The following PRTFDC1 variants were observed in gnomAD, a reference collection of about 807,000 sequenced individuals.
PRTFDC1 encodes the protein phosphoribosyltransferase domain-containing protein 1.
A neutral mutation model predicts 34.6 loss-of-function variants in PRTFDC1; 38 were observed. That is an observed-to-expected ratio of 1.10 (90% confidence interval 0.85 to 1.44). PRTFDC1 has a LOEUF of 1.44. Ranked by LOEUF, PRTFDC1 falls within the 40% of genes most tolerant of loss-of-function variation. The pLI is 0.00. For synonymous variants in PRTFDC1, 93 were observed against 98.1 expected (o/e 0.95, Z 0.31); for missense variants, 270 against 283.0 (o/e 0.95, Z 0.33).
rs1337901887 is a variant in PRTFDC1, at chr10:24,887,189, C to T, written c.340-15126G>A. On this transcript the variant is annotated intron_variant, in intron 3 of 8. Transcript: ENST00000320152. ...GTTTCACCTTGTTAGCCAGGATGGT[C>T]TCGATCTCCTGACCTCATGATCCAC... is the stretch of plus-strand genomic sequence containing the variant. Among the ~76,000 whole-genome samples, 9 of 151,586 alleles carry T rather than the reference C, an allele frequency of 5.9e-5. No individual in the cohort carries two copies. In the East Asian group the frequency reaches 1.8e-3, roughly 30 times the overall value.
rs938013170 is a variant in PRTFDC1 at position 24,855,212 on chromosome 10, A to G, written c.553+106T>C. 3.6e-6 allele frequency: 4 copies of G among 1,123,098 alleles called. No individual in the cohort carries two copies. In the African/African-American group the frequency reaches 6.3e-5, roughly 18 times the overall value. 69.6% of individuals were successfully genotyped at this position (1,123,098 alleles called of 1,614,324 possible). ...ATCAGCCCTACACAGTTTCAAATCC[A>G]CATGCAATGCTGTCAAATAGGAAAC... On this transcript the variant is annotated intron_variant, in intron 7 of 8. Coordinates refer to ENST00000320152, the MANE Select transcript of PRTFDC1 (RefSeq NM_020200.7).
At chr10:24,878,897 C>T (rs953055325) in intron 3 of PRTFDC1, among the ~76,000 whole-genome samples, 7 of 152,204 alleles carry the variant, frequency 4.6e-5, no homozygotes, top group African/African-American at 1.4e-4. Context: ...TCAATATTCT[C>T]CGCCCCCACA....
At chr10:24,927,167 T>C (rs1026733540) in intron 3 of PRTFDC1, among the ~76,000 whole-genome samples, 1 of 152,204 alleles carries the variant, frequency 6.6e-6, no homozygotes, top group African/African-American at 2.4e-5. Context: ...TAGGCCAAAC[T>C]AGATATTTGT....
intron 3 of PRTFDC1, among the ~76,000 whole-genome samples, chr10:24,894,104 G>A (rs745752686): frequency 6.6e-6 from 1 of 152,086 alleles, no homozygotes; most frequent in Non-Finnish European, 1.5e-5. Flanking sequence ...AGGCCGAGGT[G>A]GGGGACCACG....
At chr10:24,915,324 T>C (rs1311387041) in intron 3 of PRTFDC1, among the ~76,000 whole-genome samples, 3 of 152,222 alleles carry the variant, frequency 2.0e-5, no homozygotes, top group Non-Finnish European at 1.5e-5. Flanking sequence ...ATGGGTCCTC[T>C]AGCTTCCTTT....
chr10:24,904,407 C>T (rs1848499199), intron 3 of PRTFDC1, among the ~76,000 whole-genome samples: 1 of 152,104 alleles, frequency 6.6e-6, no homozygotes, highest in Non-Finnish European at 1.5e-5. Flanking sequence ...ATTGAGATGT[C>T]CCCCCTCAAA....
chr10:24,929,093 AG>A (rs368909493), intron 3 of PRTFDC1, among the ~76,000 whole-genome samples: 8 of 150,106 alleles, frequency 5.3e-5, no homozygotes, highest in African/African-American at 2.0e-4. Context: ...TTTCAATTCC[AG>A]GCACCCTTGC....
intron 3 of PRTFDC1, among the ~76,000 whole-genome samples, chr10:24,913,066 T>A (rs1439390514): frequency 6.6e-6 from 1 of 152,190 alleles, no homozygotes; most frequent in East Asian, 1.9e-4. Context: ...TTTCACCAAA[T>A]AAAATACAAT....
intron 3 of PRTFDC1, among the ~76,000 whole-genome samples, chr10:24,894,034 G>A (rs1848307556): frequency 6.6e-6 from 1 of 152,124 alleles, no homozygotes; most frequent in Non-Finnish European, 1.5e-5. Context: ...AAGGAAGTGT[G>A]AAAATAGGAC....
intron 3 of PRTFDC1, among the ~76,000 whole-genome samples, chr10:24,881,597 C>G (rs1848080184): frequency 6.6e-6 from 1 of 152,168 alleles, no homozygotes; most frequent in African/African-American, 2.4e-5. Flanking sequence ...GGGATCAGGT[C>G]AACTCCTTTC....
intron 3 of PRTFDC1, among the ~76,000 whole-genome samples, chr10:24,888,540 C>T (rs947881626): frequency 1.3e-5 from 2 of 152,266 alleles, no homozygotes; most frequent in Non-Finnish European, 1.5e-5. Flanking sequence ...GACCTGGCAC[C>T]GAGTGTCTTA....
chr10:24,943,247 T>C (rs898071700), intron 1 of PRTFDC1, among the ~76,000 whole-genome samples: 2 of 152,134 alleles, frequency 1.3e-5, no homozygotes, highest in African/African-American at 4.8e-5. Flanking sequence ...AACTTTTGAA[T>C]GTCTAGTCAC....
At position 24,866,377 on chromosome 10, in the gene PRTFDC1, A is replaced by AG. The variant is rs1301138580; in HGVS notation, c.405+5620_405+5621insC. Among the ~76,000 whole-genome samples the AG allele has an allele frequency of 4.7e-5, 7 of 149,950 alleles. No homozygotes were observed. In the East Asian group the frequency reaches 5.8e-4, roughly 12 times the overall value. ...TTCTGCCTCAAAAAAAAAAAAAAAA[A>AG]AAAGAAAAAAAAACTTATTTGAGGG... On this transcript the variant is annotated intron_variant, in intron 4 of 8. Coordinates refer to ENST00000320152, the MANE Select transcript of PRTFDC1 (RefSeq NM_020200.7).
intron 4 of PRTFDC1, among the ~76,000 whole-genome samples, chr10:24,871,713 A>G (rs1043074258): frequency 6.6e-6 from 1 of 151,854 alleles, no homozygotes; most frequent in Non-Finnish European, 1.5e-5. Flanking sequence ...GCCTGGAAAG[A>G]TGAGTAGAAA....
At chr10:24,881,857 T>G (rs912584221) in intron 3 of PRTFDC1, among the ~76,000 whole-genome samples, 14 of 152,098 alleles carry the variant, frequency 9.2e-5, no homozygotes, top group African/African-American at 3.1e-4. Context: ...TGGCTGGGCA[T>G]AGCTCATACC....
intron 3 of PRTFDC1, among the ~76,000 whole-genome samples, chr10:24,900,563 T>C (rs1848432505): frequency 6.6e-6 from 1 of 152,228 alleles, no homozygotes. Flanking sequence ...TGTGGAATAA[T>C]TTTGTGAAAG....
intron 3 of PRTFDC1, among the ~76,000 whole-genome samples, chr10:24,903,803 G>T (rs573966376): frequency 6.6e-6 from 1 of 151,286 alleles, no homozygotes; most frequent in South Asian, 2.1e-4. Context: ...CTCCCAAGTA[G>T]CTGGGACTAC....
At chr10:24,891,479 C>T (rs1156727906) in intron 3 of PRTFDC1, among the ~76,000 whole-genome samples, 1 of 152,004 alleles carries the variant, frequency 6.6e-6, no homozygotes, top group Non-Finnish European at 1.5e-5. Context: ...CAGATTTATC[C>T]TCTTTCCTTA....
At chr10:24,910,109 C>T (rs189114105) in intron 3 of PRTFDC1, among the ~76,000 whole-genome samples, 7 of 151,966 alleles carry the variant, frequency 4.6e-5, no homozygotes, top group East Asian at 3.9e-4. Context: ...TGCTGCGAGC[C>T]GAAATCGTGC....
Sources: gnomAD v4.1 joint callset for allele counts (sites outside exome capture counted in the v4.1 genomes callset) on GRCh38, gnomAD v4.1.1 for gene constraint, MANE v1.5 for transcripts, NCBI Gene and HGNC (gene_info 2026-07-23, HGNC 2026-07-21) for gene names.